Variants in WDR70 observed in about 807,000 individuals in gnomAD.
WDR70 encodes WD repeat domain 70.
In WDR70, 53 loss-of-function variants were observed where a neutral mutation model predicts 88.6. The ratio of observed to expected loss-of-function variants is 0.60; its 90% CI spans 0.48 to 0.75. The LOEUF is 0.75. Among genes scored for constraint, WDR70 ranks in the 30% least tolerant of loss-of-function variants. WDR70 has a pLI of 0.00. For missense variants in WDR70, 610 were observed against 823.2 expected (o/e 0.74, Z 3.17); for synonymous variants, 280 against 270.0 (o/e 1.04, Z -0.36).
chr5:37,583,511 G>A (rs910736365), intron 9 of WDR70, among the ~76,000 whole-genome samples: 3 of 151,760 alleles, frequency 2.0e-5, no homozygotes, highest in Non-Finnish European at 2.9e-5. Flanking sequence ...GGGGGAGAAA[G>A]CATAAGGGAT....
chr5:37,630,763 G>T (rs1389030820), intron 10 of WDR70, among the ~76,000 whole-genome samples: 1 of 152,174 alleles, frequency 6.6e-6, no homozygotes, highest in Non-Finnish European at 1.5e-5. Flanking sequence ...TGCTGGAGAA[G>T]TGCAGTAGGG....
Position 37,578,660 on chromosome 5 carries a change from T to A in WDR70, c.918-26404T>A, listed in dbSNP as rs189468440. Among the ~76,000 whole-genome samples, 689 of 152,316 alleles carry A rather than the reference T, an allele frequency of 4.5e-3. 4 individuals carry two copies. Among genetic ancestry groups the A allele is most frequent in the Non-Finnish European group, 4.9e-3 (333 of 68,028 alleles). The stretch of plus-strand genomic sequence containing the variant: ...CTTCCTATAATTAAATGCCATCAAT[T>A]CAATAAAATTATTTGAGCTTATTTG... On this transcript the variant is annotated intron_variant, in intron 9 of 17. Transcript: ENST00000265107.
intron 5 of WDR70, among the ~76,000 whole-genome samples, chr5:37,409,614 C>A (rs952863701): frequency 6.6e-6 from 1 of 151,770 alleles, no homozygotes; most frequent in African/African-American, 2.4e-5. Flanking sequence ...AAGCGATTCT[C>A]CCGCCTCAGC....
At chr5:37,744,547 A>G (rs1415267645) in intron 17 of WDR70, among the ~76,000 whole-genome samples, 1 of 151,978 alleles carries the variant, frequency 6.6e-6, no homozygotes, top group African/African-American at 2.4e-5. Flanking sequence ...ATGTTGGAGG[A>G]GGAATTGCTA....
intron 9 of WDR70, among the ~76,000 whole-genome samples, chr5:37,584,764 A>C (rs1486947101): frequency 6.6e-6 from 1 of 151,896 alleles, no homozygotes; most frequent in African/African-American, 2.4e-5. Flanking sequence ...AGCCATAGTG[A>C]GCCCTGGCAG....
chr5:37,446,971 A>T, intron 7 of WDR70, among the ~76,000 whole-genome samples: 1 of 152,260 alleles, frequency 6.6e-6, no homozygotes, highest in Non-Finnish European at 1.5e-5. Context: ...GCTTCTGCAC[A>T]GCAAAAGAAA....
chr5:37,721,200 C>G lies in WDR70; in HGVS notation c.1502C>G (p.Pro501Arg), dbSNP rs1025010080. The change falls in exon 14 of 18, where the codon CCC (proline) becomes CGC (arginine). Residue 501 changes from proline (P) to arginine (R), a missense_variant. By Grantham distance (103) the Pro-to-Arg change is moderately radical. Around this residue, in one of 4 missense-constraint regions of WDR70, gnomAD observed 254 missense variants for 300.7 expected, o/e 0.84. Coordinates refer to ENST00000265107, the MANE Select transcript of WDR70 (RefSeq NM_018034.4). ...GNGLAKVYYD[P>R]NKSQRGAKLC... The stretch of plus-strand genomic sequence containing the variant: ...GGATTGGCTAAAGTCTATTACGACC[C>G]CAACAAGAGTCAGAGGTATTTCATA... The G allele has an allele frequency of 6.2e-7, 1 of 1,613,596 alleles. No homozygotes were observed. The highest frequency in any genetic ancestry group is 2.2e-5 in the East Asian group (1 of 44,856).
At chr5:37,642,269 G>A (rs950789044) in intron 10 of WDR70, among the ~76,000 whole-genome samples, 2 of 151,960 alleles carry the variant, frequency 1.3e-5, no homozygotes, top group Non-Finnish European at 2.9e-5. Flanking sequence ...CTTTCCAAAT[G>A]CTTAGTAAGT....
At chr5:37,678,736 T>G (rs199688315) in intron 10 of WDR70, among the ~76,000 whole-genome samples, 8 of 152,114 alleles carry the variant, frequency 5.3e-5, no homozygotes, top group African/African-American at 1.9e-4. Flanking sequence ...CGAGGAGTAT[T>G]TTTGTGGCAT....
chr5:37,678,009 C>T (rs1393821057), intron 10 of WDR70, among the ~76,000 whole-genome samples: 1 of 152,112 alleles, frequency 6.6e-6, no homozygotes, highest in African/African-American at 2.4e-5. Context: ...CTCTTTTGAT[C>T]TTTGTTGGTT....
chr5:37,680,646 T>TA (rs1401029990), intron 10 of WDR70, among the ~76,000 whole-genome samples: 1 of 152,234 alleles, frequency 6.6e-6, no homozygotes, highest in Non-Finnish European at 1.5e-5. Context: ...CGCTATTTAT[T>TA]AAATAGGGAA....
At chr5:37,504,794 G>T (rs1740511194) in intron 8 of WDR70, among the ~76,000 whole-genome samples, 1 of 152,134 alleles carries the variant, frequency 6.6e-6, no homozygotes, top group Admixed American at 6.5e-5. Context: ...GACAAAAGTG[G>T]TTTTCAGTGA....
intron 10 of WDR70, among the ~76,000 whole-genome samples, chr5:37,619,430 A>G (rs1033204120): frequency 6.6e-6 from 1 of 152,164 alleles, no homozygotes; most frequent in African/African-American, 2.4e-5. Flanking sequence ...TCTAGTAGAG[A>G]TATTTCCTGA....
intron 10 of WDR70, among the ~76,000 whole-genome samples, chr5:37,611,704 C>A (rs1256695571): frequency 6.6e-6 from 1 of 150,446 alleles, no homozygotes; most frequent in South Asian, 2.1e-4. Flanking sequence ...TATTTACTGC[C>A]GTCTGCAACT....
intron 10 of WDR70, among the ~76,000 whole-genome samples, chr5:37,675,505 G>T (rs1390032007): frequency 1.3e-5 from 2 of 152,076 alleles, no homozygotes; most frequent in Non-Finnish European, 2.9e-5. Flanking sequence ...TTTCCCCATT[G>T]CTTGTTTTTC....
chr5:37,736,472 C>T (rs2112722793), intron 17 of WDR70, among the ~76,000 whole-genome samples: 1 of 152,274 alleles, frequency 6.6e-6, no homozygotes, highest in Non-Finnish European at 1.5e-5. Context: ...CAGGAAGAAT[C>T]ATAAATGCAC....
intron 9 of WDR70, among the ~76,000 whole-genome samples, chr5:37,554,859 CTG>C (rs1460202746): frequency 6.6e-6 from 1 of 152,058 alleles, no homozygotes; most frequent in Non-Finnish European, 1.5e-5. Context: ...TTATGTGCCT[CTG>C]TGTCTTAGTT....
At chr5:37,393,885 T>A (rs1268581512) in intron 4 of WDR70, among the ~76,000 whole-genome samples, 1 of 152,114 alleles carries the variant, frequency 6.6e-6, no homozygotes, top group African/African-American at 2.4e-5. Context: ...GTTCACAGTG[T>A]TGCCCAGGCT....
chr5:37,528,179 T>G (rs952263920), intron 9 of WDR70, among the ~76,000 whole-genome samples: 5 of 152,236 alleles, frequency 3.3e-5, no homozygotes, highest in Admixed American at 1.3e-4. Flanking sequence ...CACATGCACA[T>G]GTATGTTTAT....
Sources: allele counts gnomAD v4.1 joint callset (sites outside exome capture counted in the v4.1 genomes callset), GRCh38; gene constraint gnomAD v4.1.1; regional missense constraint gnomAD v4.1.1; transcripts MANE v1.5; gene names NCBI Gene and HGNC (gene_info 2026-07-23, HGNC 2026-07-21).